Variants in TECRL observed in about 807,000 individuals in gnomAD.
TECRL encodes trans-2,3-enoyl-CoA reductase like.
Under a neutral mutation model 52.8 loss-of-function variants are expected in TECRL, and 63 were observed. The ratio of observed to expected loss-of-function variants is 1.19; its 90% CI spans 0.97 to 1.47. The LOEUF (loss-of-function observed/expected upper bound fraction) is 1.47, where lower values mean the gene tolerates loss of function less well. Among genes scored for constraint, TECRL ranks in the 40% most tolerant of loss-of-function variants. The pLI, the probability that TECRL is intolerant of heterozygous loss-of-function variation, is 0.00. For missense variants in TECRL, 482 were observed against 429.6 expected (o/e 1.12, Z -1.08); for synonymous variants, 164 against 141.9 (o/e 1.16, Z -1.10).
intron 2 of TECRL, among the ~76,000 whole-genome samples, chr4:64,374,412 C>A (rs1235502306): frequency 2.0e-5 from 3 of 148,746 alleles, no homozygotes; most frequent in African/African-American, 7.4e-5. Flanking sequence ...TCCAGAAATT[C>A]TTTTTATTAT....
At chr4:64,280,947 G>A in intron 11 of TECRL, 94 bp downstream of exon 11, 1 of 785,234 alleles carries the variant, frequency 1.3e-6, no homozygotes, top group Non-Finnish European at 2.0e-6. Context: ...TTACAATCAT[G>A]CTATACTTTA....
At chr4:64,323,160 C>T (rs761521797) in intron 3 of TECRL, among the ~76,000 whole-genome samples, 95 of 151,770 alleles carry the variant, frequency 6.3e-4, no homozygotes, top group Non-Finnish European at 1.2e-3. Context: ...AAAACTTTGT[C>T]GAGCTGAGGT....
chr4:64,335,353 A>T (rs1718987336), intron 2 of TECRL, among the ~76,000 whole-genome samples: 1 of 152,176 alleles, frequency 6.6e-6, no homozygotes, highest in African/African-American at 2.4e-5. Flanking sequence ...TGAGAATCTA[A>T]TGCCTAATGG....
chr4:64,366,745 T>C (rs1721622497), intron 2 of TECRL, among the ~76,000 whole-genome samples: 1 of 152,110 alleles, frequency 6.6e-6, no homozygotes. Flanking sequence ...AAAGTCACCA[T>C]ATAACAGATG....
intron 1 of TECRL, among the ~76,000 whole-genome samples, chr4:64,394,277 G>A (rs1723765244): frequency 6.6e-6 from 1 of 152,116 alleles, no homozygotes; most frequent in South Asian, 2.1e-4. Context: ...CGTAGCCTAT[G>A]CTCCTTATGG....
At chr4:64,364,028 C>A (rs1329347258) in intron 2 of TECRL, among the ~76,000 whole-genome samples, 2 of 151,934 alleles carry the variant, frequency 1.3e-5, no homozygotes, top group African/African-American at 4.8e-5. Flanking sequence ...CAATTCTCAA[C>A]AAATTATGAA....
chr4:64,362,215 A>G (rs997513987), intron 2 of TECRL, among the ~76,000 whole-genome samples: 1 of 152,130 alleles, frequency 6.6e-6, no homozygotes, highest in South Asian at 2.1e-4. Context: ...AAGAGACCAA[A>G]CCTACAACTT....
chr4:64,379,968 ACTCT>A (rs1182791338), intron 1 of TECRL, among the ~76,000 whole-genome samples: 3 of 152,088 alleles, frequency 2.0e-5, no homozygotes, highest in Middle Eastern at 3.4e-3. Context: ...TTTCTGAGAC[ACTCT>A]CTATTGTTTT....
At chr4:64,297,677 T>C (rs2109967454) in intron 8 of TECRL, among the ~76,000 whole-genome samples, 1 of 151,324 alleles carries the variant, frequency 6.6e-6, no homozygotes, top group Non-Finnish European at 1.5e-5. Flanking sequence ...ATAATAACTT[T>C]CAAACATACA....
At chr4:64,355,821 ATT>A in intron 2 of TECRL, among the ~76,000 whole-genome samples, 2 of 151,328 alleles carry the variant, frequency 1.3e-5, no homozygotes, top group Non-Finnish European at 2.9e-5. Context: ...AAGTTAAAAC[ATT>A]AATTATAAAA....
intron 2 of TECRL, among the ~76,000 whole-genome samples, chr4:64,360,768 T>C (rs1469494505): frequency 1.3e-5 from 2 of 152,076 alleles, no homozygotes; most frequent in African/African-American, 4.8e-5. Context: ...GTGAGTGCAA[T>C]AGGTGTGGAA....
At chr4:64,331,520 G>T (rs1166126856) in intron 2 of TECRL, among the ~76,000 whole-genome samples, 4 of 151,946 alleles carry the variant, frequency 2.6e-5, no homozygotes, top group African/African-American at 9.7e-5. Context: ...AGTGTCCAGG[G>T]ACATGATAAA....
chr4:64,342,489 T>A (rs1395071025), intron 2 of TECRL, among the ~76,000 whole-genome samples: 1 of 151,912 alleles, frequency 6.6e-6, no homozygotes. Flanking sequence ...ATACCATGAT[T>A]TTAGTTAAAT....
At chr4:64,307,333 T>C (rs1577841430) in intron 6 of TECRL, among the ~76,000 whole-genome samples, 2 of 152,200 alleles carry the variant, frequency 1.3e-5, no homozygotes, top group Admixed American at 1.3e-4. Flanking sequence ...ACCCCAAAGG[T>C]GGTCAACACT....
At chr4:64,358,381 G>C (rs960811829) in intron 2 of TECRL, among the ~76,000 whole-genome samples, 20 of 151,726 alleles carry the variant, frequency 1.3e-4, no homozygotes, top group Non-Finnish European at 2.4e-4. Flanking sequence ...GAGGCAGTTA[G>C]AATTTATATC....
chr4:64,388,839 TAAC>T (rs1307018426), intron 1 of TECRL, among the ~76,000 whole-genome samples: 7 of 151,926 alleles, frequency 4.6e-5, no homozygotes, highest in Non-Finnish European at 7.4e-5. Context: ...TATGCATAAA[TAAC>T]AATTACACAT....
At chr4:64,378,690 T>C (rs752342316) in intron 1 of TECRL, among the ~76,000 whole-genome samples, 2 of 152,074 alleles carry the variant, frequency 1.3e-5, no homozygotes, top group Non-Finnish European at 2.9e-5. Flanking sequence ...TTCAGTATTT[T>C]GTAGAATAGC....
chr4:64,353,167 C>A (rs935413830), intron 2 of TECRL, among the ~76,000 whole-genome samples: 1 of 152,064 alleles, frequency 6.6e-6, no homozygotes, highest in East Asian at 1.9e-4. Context: ...GTGGGGAAAG[C>A]TGAGAAGTGA....
At chr4:64,312,353 T>C (rs1717076056) in intron 5 of TECRL, among the ~76,000 whole-genome samples, 1 of 152,222 alleles carries the variant, frequency 6.6e-6, no homozygotes, top group South Asian at 2.1e-4. Flanking sequence ...TCAAAAGTAG[T>C]TTGTGTATCT....
Sources: allele counts gnomAD v4.1 joint callset (sites outside exome capture counted in the v4.1 genomes callset), GRCh38; gene constraint gnomAD v4.1.1; transcripts MANE v1.5; gene names NCBI Gene and HGNC (gene_info 2026-07-23, HGNC 2026-07-21).